SOX6: variants seen among roughly 807,000 people sequenced by gnomAD.
The protein encoded by SOX6 is transcription factor SOX-6.
Under a neutral mutation model 97.8 loss-of-function variants are expected in SOX6, and 11 were observed. The observed-to-expected ratio is 0.11, with a 90% CI of 0.07 to 0.19. The LOEUF is 0.19. Among genes scored for constraint, SOX6 ranks in the 10% least tolerant of loss-of-function variants. SOX6 has a pLI of 1.00. For synonymous variants in SOX6, 360 were observed against 371.4 expected (o/e 0.97, Z 0.35); for missense variants, 810 against 1,039.5 (o/e 0.78, Z 3.04).
At chr11:16,380,637 T>C (rs1001707005) in intron 1 of SOX6, among the ~76,000 whole-genome samples, 6 of 152,106 alleles carry the variant, frequency 3.9e-5, no homozygotes, top group African/African-American at 1.4e-4. Flanking sequence ...GCAAATCTCA[T>C]AAACTTATTG....
intron 3 of SOX6, among the ~76,000 whole-genome samples, chr11:16,283,600 T>C (rs1854646079): frequency 6.6e-6 from 1 of 151,794 alleles, no homozygotes; most frequent in African/African-American, 2.4e-5. Flanking sequence ...ACTAAAAGAT[T>C]ACTTCTGTGG....
intron 3 of SOX6, chr11:16,269,906 C>G (rs1738333867): frequency 6.6e-6 from 1 of 151,256 alleles, no homozygotes; most frequent in Non-Finnish European, 1.5e-5. Context: ...TCTTATACCT[C>G]TAATTCATTT....
chr11:16,686,373 G>T (rs1847969474), intron 3 of SOX6, among the ~76,000 whole-genome samples: 1 of 152,142 alleles, frequency 6.6e-6, no homozygotes, highest in African/African-American at 2.4e-5. Flanking sequence ...GTATCTGAGA[G>T]TAGGCCACAT....
At chr11:16,385,207 G>A (rs1256892102) in intron 1 of SOX6, among the ~76,000 whole-genome samples, 1 of 151,966 alleles carries the variant, frequency 6.6e-6, no homozygotes, top group Non-Finnish European at 1.5e-5. Context: ...CAGATTATGT[G>A]CTTCCCTGAT....
intron 1 of SOX6, among the ~76,000 whole-genome samples, chr11:16,414,554 C>T (rs1472435699): frequency 6.6e-6 from 1 of 151,286 alleles, no homozygotes; most frequent in Non-Finnish European, 1.5e-5. Flanking sequence ...TACTTAATAC[C>T]CCTGCAAGTT....
At chr11:16,276,202 A>C (rs1211290712) in intron 3 of SOX6, among the ~76,000 whole-genome samples, 5 of 152,196 alleles carry the variant, frequency 3.3e-5, no homozygotes, top group African/African-American at 1.2e-4. Context: ...CTAAAGAGAC[A>C]CAAAAATATG....
chr11:16,495,424 C>T (rs913164457), intron 4 of SOX6, among the ~76,000 whole-genome samples: 3 of 152,150 alleles, frequency 2.0e-5, no homozygotes, highest in Non-Finnish European at 4.4e-5. Flanking sequence ...TGCTCTGCCC[C>T]ACCAAGTGCC....
intron 4 of SOX6, among the ~76,000 whole-genome samples, chr11:16,588,577 G>A (rs1330077567): frequency 6.6e-6 from 1 of 152,138 alleles, no homozygotes; most frequent in South Asian, 2.1e-4. Flanking sequence ...AGACACTCAG[G>A]AGAGTAGTAA....
intron 9 of SOX6, among the ~76,000 whole-genome samples, chr11:16,089,311 T>C (rs1469319183): frequency 6.6e-6 from 1 of 152,114 alleles, no homozygotes; most frequent in Non-Finnish European, 1.5e-5. Context: ...TTAAATTAGT[T>C]CCTCTCAATT....
intron 6 of SOX6, among the ~76,000 whole-genome samples, chr11:16,155,256 A>G (rs1850567688): frequency 6.6e-6 from 1 of 152,116 alleles, no homozygotes; most frequent in Non-Finnish European, 1.5e-5. Flanking sequence ...TTAAGAGCAC[A>G]CATCCTAGAG....
At chr11:16,068,489 T>C (rs1848146221) in intron 9 of SOX6, among the ~76,000 whole-genome samples, 1 of 152,190 alleles carries the variant, frequency 6.6e-6, no homozygotes. Context: ...CAAAATGATC[T>C]AGGAAATATA....
chr11:16,454,870 C>G (rs1354935960), intron 1 of SOX6, among the ~76,000 whole-genome samples: 1 of 152,074 alleles, frequency 6.6e-6, no homozygotes, highest in Non-Finnish European at 1.5e-5. Context: ...TAATTCCTTT[C>G]TACTTATTTA....
intron 9 of SOX6, among the ~76,000 whole-genome samples, chr11:16,061,466 C>T (rs1847951982): frequency 6.6e-6 from 1 of 151,452 alleles, no homozygotes; most frequent in African/African-American, 2.4e-5. Context: ...GACCATACTG[C>T]CCCCAAAGAA....
chr11:16,329,120 C>T (rs1020920055), intron 2 of SOX6, among the ~76,000 whole-genome samples: 12 of 152,056 alleles, frequency 7.9e-5, no homozygotes, highest in African/African-American at 2.7e-4. Context: ...TAAAATTATT[C>T]ATAGATGTGT....
chr11:16,349,349 G>A (rs1856847250), intron 1 of SOX6, among the ~76,000 whole-genome samples: 1 of 152,092 alleles, frequency 6.6e-6, no homozygotes, highest in Non-Finnish European at 1.5e-5. Flanking sequence ...TGCTGAGGTG[G>A]CTCATGCCTG....
intron 7 of SOX6, among the ~76,000 whole-genome samples, chr11:16,103,798 C>T (rs900973984): frequency 2.6e-5 from 4 of 151,510 alleles, no homozygotes; most frequent in Non-Finnish European, 4.4e-5. Flanking sequence ...ATCGTATTCT[C>T]ACTCACATGT....
intron 3 of SOX6, among the ~76,000 whole-genome samples, chr11:16,703,741 T>C (rs1848111244): frequency 6.6e-6 from 1 of 152,152 alleles, no homozygotes; most frequent in East Asian, 1.9e-4. Flanking sequence ...TTTTAAAATT[T>C]TACCCATGGA....
intron 7 of SOX6, among the ~76,000 whole-genome samples, chr11:16,104,996 C>G (rs538324533): frequency 6.6e-6 from 1 of 151,188 alleles, no homozygotes; most frequent in South Asian, 2.1e-4. Context: ...TTTTCAAACT[C>G]TTACAAAAAA....
At chr11:16,637,272 G>A (rs974491345) in intron 3 of SOX6, among the ~76,000 whole-genome samples, 1 of 152,138 alleles carries the variant, frequency 6.6e-6, no homozygotes. Context: ...CCAGGCTGGA[G>A]TGCAGTGGTG....
Sources: allele counts gnomAD v4.1 joint callset (sites outside exome capture counted in the v4.1 genomes callset), GRCh38; gene constraint gnomAD v4.1.1; transcripts MANE v1.5; gene names NCBI Gene and HGNC (gene_info 2026-07-23, HGNC 2026-07-21).